The following CHD7 variants were observed in gnomAD, a reference collection of about 807,000 sequenced individuals.
The protein encoded by CHD7 is ATP-dependent chromatin remodeler CHD7.
CHD7 carries 24 observed loss-of-function variants against 307.3 expected under a neutral mutation model. The ratio of observed to expected loss-of-function variants is 0.08; its 90% CI spans 0.06 to 0.11. The LOEUF (loss-of-function observed/expected upper bound fraction) is 0.11, where lower values mean the gene tolerates loss of function less well. CHD7 is among the 10% of genes least tolerant of loss of function. The probability of loss-of-function intolerance (pLI) is 1.00; values close to 1 mark genes in which losing one functional copy is unlikely to be tolerated. For synonymous variants in CHD7, 1,363 were observed against 1,349.9 expected, an observed-to-expected ratio of 1.01 and a Z score of -0.21; for missense variants, 3,106 against 3,727.1, an observed-to-expected ratio of 0.83 and a Z score of 4.34.
At chr8:60,858,818 C>T (rs749886361) in intron 34 of CHD7, among the ~76,000 whole-genome samples, 1 of 152,126 alleles carries the variant, frequency 6.6e-6, no homozygotes, top group Non-Finnish European at 1.5e-5. Flanking sequence ...CCATGTTGCC[C>T]AGGCTGGTCT....
intron 2 of CHD7, among the ~76,000 whole-genome samples, chr8:60,752,150 A>G (rs1410306200): frequency 3.9e-5 from 6 of 152,206 alleles, no homozygotes; most frequent in East Asian, 1.9e-4. Flanking sequence ...AACCTTAACT[A>G]TGTTAACTGT....
At chr8:60,779,952 C>T (rs1228117106) in intron 2 of CHD7, among the ~76,000 whole-genome samples, 2 of 152,102 alleles carry the variant, frequency 1.3e-5, no homozygotes, top group African/African-American at 4.8e-5. Context: ...AGCATATATG[C>T]CTGGCACATA....
chr8:60,761,214 T>C (rs371378580), intron 2 of CHD7, among the ~76,000 whole-genome samples: 1 of 150,896 alleles, frequency 6.6e-6, no homozygotes, highest in African/African-American at 2.4e-5. Context: ...AAATTGGAAA[T>C]CATCATTCTC....
chr8:60,846,806 G>A (rs1019681185), intron 23 of CHD7, among the ~76,000 whole-genome samples: 1 of 152,220 alleles, frequency 6.6e-6, no homozygotes, highest in Non-Finnish European at 1.5e-5. Context: ...CTAAAGTTGA[G>A]TAACCTCCTC....
intron 1 of CHD7, among the ~76,000 whole-genome samples, chr8:60,735,151 C>T (rs1158866489): frequency 6.6e-6 from 1 of 152,212 alleles, no homozygotes; most frequent in East Asian, 1.9e-4. Context: ...TCGTTCAACA[C>T]TGTATACACA....
intron 2 of CHD7, among the ~76,000 whole-genome samples, chr8:60,755,251 A>G (rs1283560313): frequency 6.6e-6 from 1 of 152,056 alleles, no homozygotes; most frequent in East Asian, 1.9e-4. Context: ...AAAAATAAGA[A>G]GGCAGTTCAC....
chr8:60,692,325 A>G (rs1411528493), intron 1 of CHD7, among the ~76,000 whole-genome samples: 1 of 152,200 alleles, frequency 6.6e-6, no homozygotes, highest in East Asian at 1.9e-4. Context: ...AGGGTAGAAG[A>G]TAGATTGCTT....
chr8:60,727,348 G>C (rs1808220239), intron 1 of CHD7, among the ~76,000 whole-genome samples: 1 of 152,094 alleles, frequency 6.6e-6, no homozygotes, highest in Non-Finnish European at 1.5e-5. Flanking sequence ...GGCTGGTCTT[G>C]AACTCCTGAT....
At chr8:60,708,083 AGC>A (rs1287911210) in intron 1 of CHD7, among the ~76,000 whole-genome samples, 3 of 152,236 alleles carry the variant, frequency 2.0e-5, no homozygotes, top group African/African-American at 7.2e-5. Flanking sequence ...TGGTGCGTAA[AGC>A]AGCCAAGTTT....
In CHD7 at chr8:60,866,612, A is replaced by G. The variant is rs1806251710; in HGVS notation, c.*679A>G. 1 of 152,658 alleles carries G rather than the reference A, an allele frequency of 6.6e-6. No homozygotes were observed. 9.5% of individuals were successfully genotyped at this position (152,658 alleles called of 1,614,324 possible). A position where few individuals can be genotyped will look rare whatever the true frequency, so the allele number is the denominator to read the frequency against. ...TCTCGTGGTCTTGTAATGCACTGGT[A>G]AAAACAAAATAAATAGATGAATAAA... On this transcript the variant is annotated 3_prime_UTR_variant, in exon 38 of 38. Transcript: ENST00000423902.
At chr8:60,720,353 A>G (rs1807835286) in intron 1 of CHD7, among the ~76,000 whole-genome samples, 1 of 152,178 alleles carries the variant, frequency 6.6e-6, no homozygotes, top group South Asian at 2.1e-4. Context: ...AATATGGTAA[A>G]TGTTCCTGGA....
intron 19 of CHD7, among the ~76,000 whole-genome samples, chr8:60,840,181 C>T (rs956551262): frequency 6.6e-6 from 1 of 152,176 alleles, no homozygotes; most frequent in Non-Finnish European, 1.5e-5. Flanking sequence ...AGGGGTCCAA[C>T]GTTCGTTTTG....
intron 34 of CHD7, 78 bp from the exon 35 acceptor site, chr8:60,860,826 T>A: frequency 1.0e-6 from 1 of 1,003,162 alleles, no homozygotes; most frequent in East Asian, 2.4e-5. Context: ...CATTCTAGGA[T>A]AGCGTTTTCT....
chr8:60,710,309 C>T (rs933147510), intron 1 of CHD7, among the ~76,000 whole-genome samples: 3 of 150,930 alleles, frequency 2.0e-5, no homozygotes, highest in Middle Eastern at 3.4e-3. Context: ...ACAGAAGGCA[C>T]TCATCCTGGA....
intron 37 of CHD7, chr8:60,862,866 A>G (rs552476360): frequency 2.4e-5 from 13 of 551,504 alleles, no homozygotes; most frequent in East Asian, 9.0e-5. Flanking sequence ...AAAGGTTTGT[A>G]TGGAAACATA....
intron 2 of CHD7, among the ~76,000 whole-genome samples, chr8:60,775,690 G>GC (rs1185206916): frequency 6.6e-6 from 1 of 152,176 alleles, no homozygotes; most frequent in Non-Finnish European, 1.5e-5. Flanking sequence ...TGTCTCCAGT[G>GC]CCCCCTTTCC....
intron 1 of CHD7, among the ~76,000 whole-genome samples, chr8:60,701,533 C>T (rs1391477404): frequency 1.3e-5 from 2 of 152,208 alleles, no homozygotes. Context: ...TCCACTTACA[C>T]AGTCATTAGA....
chr8:60,777,898 A>G (rs1172441475), intron 2 of CHD7, among the ~76,000 whole-genome samples: 1 of 152,184 alleles, frequency 6.6e-6, no homozygotes, highest in East Asian at 1.9e-4. Flanking sequence ...GTTTGACAGG[A>G]TGTTATTTAA....
rs190061609 is a variant in CHD7 at position 60,687,112 on chromosome 8, A to G, written c.-175+8030A>G. On this transcript the variant is annotated intron_variant, in intron 1 of 37. Transcript: ENST00000423902. ...ACATTTTAGAAATCTGTCTGTTGATATTTAAAACATAATTAGCAAATGTGC... is the reference window on the plus strand; with the variant it reads ...ACATTTTAGAAATCTGTCTGTTGATGTTTAAAACATAATTAGCAAATGTGC... Among the ~76,000 whole-genome samples, 4 of 152,340 alleles carry G rather than the reference A, an allele frequency of 2.6e-5. No homozygotes were observed. In the East Asian group the frequency reaches 5.8e-4, roughly 22 times the overall value.
Sources: allele counts gnomAD v4.1 joint callset (sites outside exome capture counted in the v4.1 genomes callset), GRCh38; gene constraint gnomAD v4.1.1; transcripts MANE v1.5; gene names NCBI Gene and HGNC (gene_info 2026-07-23, HGNC 2026-07-21).